The following STARD13 variants were observed in gnomAD, a reference collection of about 807,000 sequenced individuals.
The protein encoded by STARD13 is StAR related lipid transfer domain containing 13, also known as stAR-related lipid transfer protein 13.
STARD13 carries 62 observed loss-of-function variants against 106.4 expected under a neutral mutation model. The observed-to-expected ratio is 0.58, with a 90% CI of 0.48 to 0.72. The LOEUF (loss-of-function observed/expected upper bound fraction) is 0.72. STARD13 is among the 30% of genes least tolerant of loss of function. The pLI, the probability that STARD13 is intolerant of heterozygous loss-of-function variation, is 0.00. For synonymous variants in STARD13, 565 were observed against 553.0 expected (o/e 1.02, Z -0.31); for missense variants, 1,387 against 1,424.0 (o/e 0.97, Z 0.42).
the STARD13 span, among the ~76,000 whole-genome samples, chr13:33,622,692 C>A: frequency 7.1e-6 from 1 of 141,272 alleles, no homozygotes; most frequent in Non-Finnish European, 1.5e-5. Flanking sequence ...GAGGCTGAGG[C>A]GGGCGGATCA....
In STARD13 at chr13:33,150,501, G is replaced by A. The variant is rs76370024; in HGVS notation, c.324-8128C>T. ...AAGCTAGAACTTCTTTCTGCCATGT[G>A]ATTTATCTGCTCCTGTCTACTTAAG... On this transcript the variant is annotated intron_variant, in intron 3 of 13. Coordinates refer to ENST00000336934, the MANE Select transcript of STARD13 (RefSeq NM_178006.4). Among the ~76,000 whole-genome samples the A allele has an allele frequency of 7.3e-3, 1,116 of 152,322 alleles. 14 individuals are homozygous for A. Among genetic ancestry groups the A allele is most frequent in the African/African-American group, 0.025 (1,055 of 41,560 alleles).
At chr13:33,652,934 A>C in the STARD13 span, among the ~76,000 whole-genome samples, 1 of 152,168 alleles carries the variant, frequency 6.6e-6, no homozygotes, top group East Asian at 1.9e-4. Flanking sequence ...GTATGACATC[A>C]AAAGAAGAAA....
chr13:33,625,233 G>A, the STARD13 span, among the ~76,000 whole-genome samples: 1 of 152,172 alleles, frequency 6.6e-6, no homozygotes, highest in African/African-American at 2.4e-5. Flanking sequence ...AGAGGTAGAA[G>A]CCCAGCCTGT....
chr13:33,110,290 AAAT>A (rs1420727620), intron 11 of STARD13, among the ~76,000 whole-genome samples, 200 bp from the exon 12 acceptor site: 1 of 152,238 alleles, frequency 6.6e-6, no homozygotes, highest in African/African-American at 2.4e-5. Context: ...ATGATGATAA[AAAT>A]AATAATCACC....
intron 1 of STARD13, among the ~76,000 whole-genome samples, chr13:33,214,892 C>T (rs1221944716): frequency 6.6e-6 from 1 of 152,110 alleles, no homozygotes; most frequent in Admixed American, 6.5e-5. Flanking sequence ...GATCTCCTTT[C>T]ACAGGTGCTC....
chr13:33,590,994 A>G, the STARD13 span, among the ~76,000 whole-genome samples: 3 of 152,276 alleles, frequency 2.0e-5, no homozygotes, highest in Non-Finnish European at 2.9e-5. Flanking sequence ...TATGGAAAAG[A>G]GTACCTTAAA....
the STARD13 span, among the ~76,000 whole-genome samples, chr13:33,361,697 TG>T: frequency 6.6e-6 from 1 of 152,012 alleles, no homozygotes; most frequent in East Asian, 1.9e-4. Flanking sequence ...CTTACCATGG[TG>T]GAGAGGAGAA....
intron 1 of STARD13, among the ~76,000 whole-genome samples, chr13:33,246,069 T>A (rs114782059): frequency 3.9e-5 from 6 of 152,168 alleles, no homozygotes; most frequent in African/African-American, 1.4e-4. Context: ...CAGAGAAACA[T>A]TGTAATGAAT....
At chr13:33,198,862 C>T (rs1886819453) in intron 1 of STARD13, among the ~76,000 whole-genome samples, 1 of 152,208 alleles carries the variant, frequency 6.6e-6, no homozygotes, top group Non-Finnish European at 1.5e-5. Context: ...TCCTAAATTA[C>T]AAGTTGAAAA....
chr13:33,445,611 TATAA>T, the STARD13 span, among the ~76,000 whole-genome samples: 1 of 151,968 alleles, frequency 6.6e-6, no homozygotes, highest in Non-Finnish European at 1.5e-5. Context: ...AGGCTATATA[TATAA>T]ATAAATATAT....
chr13:33,310,041 A>G (rs1376031297), intron 1 of STARD13, among the ~76,000 whole-genome samples: 1 of 152,244 alleles, frequency 6.6e-6, no homozygotes, highest in African/African-American at 2.4e-5. Flanking sequence ...TATATAGAGA[A>G]TAATGACTTG....
At chr13:33,416,503 G>A in the STARD13 span, among the ~76,000 whole-genome samples, 1 of 152,178 alleles carries the variant, frequency 6.6e-6, no homozygotes, top group Non-Finnish European at 1.5e-5. Context: ...GTAGTCTGTA[G>A]TTTCTGATGG....
At chr13:33,272,101 T>C (rs996276098) in intron 1 of STARD13, among the ~76,000 whole-genome samples, 3 of 152,184 alleles carry the variant, frequency 2.0e-5, no homozygotes, top group Middle Eastern at 3.2e-3. Flanking sequence ...AATAAAATAG[T>C]AATATAGGTA....
At chr13:33,340,320 C>T (rs957785338) in intron 1 of STARD13, among the ~76,000 whole-genome samples, 5 of 152,204 alleles carry the variant, frequency 3.3e-5, no homozygotes, top group African/African-American at 1.2e-4. Context: ...CCTCCCACCT[C>T]AGCCTCCCAA....
the STARD13 span, among the ~76,000 whole-genome samples, chr13:33,573,835 C>G: frequency 5.9e-5 from 9 of 152,124 alleles, no homozygotes; most frequent in African/African-American, 1.9e-4. Flanking sequence ...ATCTTACCAC[C>G]AGTATCCTGT....
the STARD13 span, among the ~76,000 whole-genome samples, chr13:33,668,870 A>C: frequency 6.6e-6 from 1 of 151,006 alleles, no homozygotes; most frequent in African/African-American, 2.5e-5. Flanking sequence ...AACTAAAAAC[A>C]GCAAAAATAG....
the STARD13 span, among the ~76,000 whole-genome samples, chr13:33,516,829 A>C: frequency 1.3e-5 from 2 of 151,702 alleles, no homozygotes; most frequent in African/African-American, 2.4e-5. Flanking sequence ...TAATCCCAGC[A>C]CTTTGGAAGG....
the STARD13 span, among the ~76,000 whole-genome samples, chr13:33,436,773 C>T: frequency 1.3e-5 from 2 of 152,146 alleles, no homozygotes; most frequent in Non-Finnish European, 2.9e-5. Flanking sequence ...TTTAAACCAC[C>T]TTATTGTGCC....
chr13:33,351,654 T>C (rs1220999298), upstream of STARD13, among the ~76,000 whole-genome samples: 2 of 152,228 alleles, frequency 1.3e-5, no homozygotes, highest in East Asian at 3.8e-4. Flanking sequence ...GGGGAACAAA[T>C]TTTTCAAAAG....
Sources: gnomAD v4.1 joint callset for allele counts (sites outside exome capture counted in the v4.1 genomes callset) on GRCh38, gnomAD v4.1.1 for gene constraint, MANE v1.5 for transcripts, NCBI Gene and HGNC (gene_info 2026-07-23, HGNC 2026-07-21) for gene names.